INPP5F: variants seen among roughly 807,000 people sequenced by gnomAD.
The protein encoded by INPP5F is inositol polyphosphate-5-phosphatase F.
INPP5F carries 97 observed loss-of-function variants against 137.2 expected under a neutral mutation model. The observed-to-expected ratio is 0.71, with a 90% CI of 0.60 to 0.84. The LOEUF (loss-of-function observed/expected upper bound fraction) is 0.84, where lower values mean the gene tolerates loss of function less well. INPP5F is among the 40% of genes least tolerant of loss of function. INPP5F has a pLI of 0.00. For synonymous variants in INPP5F, 504 were observed against 476.9 expected (o/e 1.06, Z -0.74); for missense variants, 1,271 against 1,371.9 (o/e 0.93, Z 1.16).
chr10:119,806,469 A>G lies in INPP5F; in HGVS notation c.1429A>G (p.Met477Val), dbSNP rs774017093. The change falls in exon 12 of 20, where the codon ATG (methionine) becomes GTG (valine). Residue 477 changes from methionine to valine, a missense_variant. Physicochemically the swap from Met to Val is conservative, Grantham distance 21 (BLOSUM62 1). Around this residue, in one of 6 missense-constraint regions of INPP5F, gnomAD observed 593 missense variants for 712.4 expected, o/e 0.83. Coordinates refer to ENST00000650623, the MANE Select transcript of INPP5F (RefSeq NM_014937.4). Reference sequence around the variant, plus strand: ...CCAAGCTGCCATCGCGAGAGTGGTCATGGAACAGCAGGTAATTTGGAGTCT... The same window carrying G: ...CCAAGCTGCCATCGCGAGAGTGGTCGTGGAACAGCAGGTAATTTGGAGTCT... ...VVQAAIARVV[M>V]EQQLKKLGVM... 2.1e-5 allele frequency: 33 copies of G among 1,603,322 alleles called. No individual in the cohort carries two copies. Among genetic ancestry groups the G allele is most frequent in the Non-Finnish European group, 2.5e-5 (29 of 1,176,310 alleles).
At chr10:119,817,022 A>T (rs1262482246) in intron 15 of INPP5F, among the ~76,000 whole-genome samples, 5 of 152,146 alleles carry the variant, frequency 3.3e-5, no homozygotes, top group African/African-American at 1.2e-4. Flanking sequence ...ACCATCCCTA[A>T]GCAACCACTA....
At chr10:119,754,173 A>C (rs574250562) in intron 2 of INPP5F, among the ~76,000 whole-genome samples, 1 of 152,356 alleles carries the variant, frequency 6.6e-6, no homozygotes, top group South Asian at 2.1e-4. Flanking sequence ...ATCTTGGGCC[A>C]GGGGACTCCT....
At chr10:119,752,289 A>T (rs889373664) in intron 2 of INPP5F, among the ~76,000 whole-genome samples, 45 of 152,226 alleles carry the variant, frequency 3.0e-4, no homozygotes, top group Admixed American at 6.5e-4. Flanking sequence ...ACCTAGGTTA[A>T]GAAATGAAAT....
In INPP5F at chr10:119,746,273, G is replaced by A. The variant is rs543165117; in HGVS notation, c.98-4803G>A. ...TTGCTGCTGTCCTTATGCCTGATGC[G>A]CCACTTCTTCTACATGACTCTCCGT... On this transcript the variant is annotated intron_variant, in intron 1 of 19. Transcript: ENST00000650623. Among the ~76,000 whole-genome samples the A allele has an allele frequency of 5.3e-5, 8 of 152,218 alleles. No individual in the cohort carries two copies. In the South Asian group the frequency reaches 1.5e-3, roughly 28 times the overall value.
At chr10:119,762,810 A>G (rs530298412) in intron 2 of INPP5F, among the ~76,000 whole-genome samples, 7 of 152,250 alleles carry the variant, frequency 4.6e-5, no homozygotes, top group Non-Finnish European at 7.4e-5. Flanking sequence ...GGGCACATAA[A>G]CATTTAGCTT....
At chr10:119,770,361 G>A (rs970047248) in intron 2 of INPP5F, among the ~76,000 whole-genome samples, 1 of 152,118 alleles carries the variant, frequency 6.6e-6, no homozygotes, top group African/African-American at 2.4e-5. Context: ...TTCCTGGTGG[G>A]TAACAAATAA....
Position 119,811,869 on chromosome 10 carries a change from C to A in INPP5F, c.1800C>A (p.Ser600Arg). The change falls in exon 15 of 20, where the codon AGC becomes AGA. Residue 600 changes from serine to arginine, a missense_variant. Ser to Arg is a moderately radical substitution (Grantham distance 110). Transcript: ENST00000650623. The part of the protein sequence containing the change: ...ENQRSHQELI[S>R]QLLQSYMKLL... Reference sequence around the variant, plus strand: ...AGAGAAGCCACCAGGAACTAATTAGCCAGCTCTTACAAAGTTACATGAAGT... The same window carrying A: ...AGAGAAGCCACCAGGAACTAATTAGACAGCTCTTACAAAGTTACATGAAGT... 6.2e-7 allele frequency: 1 copy of A among 1,614,062 alleles called. No homozygotes were observed.
chr10:119,749,064 C>G (rs150028837), intron 1 of INPP5F, among the ~76,000 whole-genome samples: 2 of 152,226 alleles, frequency 1.3e-5, no homozygotes, highest in Non-Finnish European at 2.9e-5. Context: ...TGTGCACACC[C>G]GACTCGGTCG....
At position 119,751,234 on chromosome 10, in the gene INPP5F, A is replaced by C. The variant is rs1848682354; in HGVS notation, c.178+78A>C. The stretch of plus-strand genomic sequence containing the variant: ...GTGTTTTCCTCTTTGAGGATACATG[A>C]GATTCTCTTATAGCTTTGATTCCTT... On this transcript the variant is annotated intron_variant, in intron 2 of 19. Transcript: ENST00000650623. The C allele has an allele frequency of 4.6e-6, 4 of 878,276 alleles. No homozygotes were observed. The Admixed American group carries it at 5.3e-5, about 12-fold the overall frequency. The allele number at this position is 878,276 out of a possible 1,614,324, so 54.4% of individuals were successfully genotyped here. A position where few individuals can be genotyped will look rare whatever the true frequency, so the allele number is the denominator to read the frequency against.
At chr10:119,776,453 G>C (rs549111694) in intron 2 of INPP5F, among the ~76,000 whole-genome samples, 1 of 152,104 alleles carries the variant, frequency 6.6e-6, no homozygotes, top group Non-Finnish European at 1.5e-5. Context: ...AGGTGAGTTT[G>C]TATATGAGAT....
intron 19 of INPP5F, among the ~76,000 whole-genome samples, chr10:119,826,398 C>G (rs985038603): frequency 6.6e-6 from 1 of 152,192 alleles, no homozygotes; most frequent in African/African-American, 2.4e-5. Flanking sequence ...GCTAATTTCA[C>G]TGCTGCTTTC....
intron 15 of INPP5F, among the ~76,000 whole-genome samples, chr10:119,816,886 A>G (rs1851301114): frequency 6.6e-6 from 1 of 152,232 alleles, no homozygotes; most frequent in Non-Finnish European, 1.5e-5. Context: ...TTTAAAATAT[A>G]TAATTCAGTG....
chr10:119,793,233 A>G (rs1003198708), intron 6 of INPP5F, among the ~76,000 whole-genome samples: 2 of 152,238 alleles, frequency 1.3e-5, no homozygotes, highest in Non-Finnish European at 2.9e-5. Flanking sequence ...TTCAAAGGTG[A>G]CATTTGGCAG....
Position 119,806,453 on chromosome 10 carries a change from C to G in INPP5F, c.1413C>G (p.Ala471=), listed in dbSNP as rs1413541772. The G allele has an allele frequency of 2.5e-6, 4 of 1,607,788 alleles. No homozygotes were observed. The African/African-American group carries it at 5.4e-5, about 22-fold the overall frequency. ...CLDRTNVVQA[A]IARVVMEQQL... is the part of the protein sequence containing the mutation. ...ATCGCACCAACGTGGTCCAAGCTGC[C>G]ATCGCGAGAGTGGTCATGGAACAGC... Residue 471 remains alanine, a synonymous_variant, in exon 12 of 20, where the codon GCC becomes GCG. Coordinates refer to ENST00000650623, the MANE Select transcript of INPP5F (RefSeq NM_014937.4).
intron 19 of INPP5F, 75 bp downstream of exon 19, chr10:119,823,977 G>T: frequency 1.9e-6 from 2 of 1,056,752 alleles, no homozygotes; most frequent in South Asian, 1.4e-5. Context: ...ATTTGCAGGG[G>T]GAAAGGGGAG....
chr10:119,826,649 C>T lies in INPP5F; in HGVS notation c.2268C>T (p.His756=), dbSNP rs201921573. 43 of 1,587,106 alleles carry T rather than the reference C, an allele frequency of 2.7e-5. No homozygotes were observed. Among genetic ancestry groups the T allele is most frequent in the East Asian group, 2.5e-4 (11 of 44,722 alleles). Residue 756 remains histidine, a synonymous_variant, in exon 20 of 20, where the codon CAC becomes CAT. Coordinates refer to ENST00000650623, the MANE Select transcript of INPP5F (RefSeq NM_014937.4). The part of the protein sequence containing the change: ...KKLERKSSKP[H]EDIIGIRSQN... The stretch of plus-strand genomic sequence containing the variant: ...TTTGTAGGAAGAGCAGTAAACCTCA[C>T]GAAGACATCATTGGTATCAGGTCTC...
chr10:119,807,134 G>C (rs781507553), intron 12 of INPP5F, among the ~76,000 whole-genome samples: 3 of 152,126 alleles, frequency 2.0e-5, no homozygotes, highest in Non-Finnish European at 4.4e-5. Flanking sequence ...CTAGCTGGGC[G>C]TGGTGGCCGT....
At chr10:119,794,339 A>G (rs1394759563) in intron 6 of INPP5F, among the ~76,000 whole-genome samples, 6 of 152,216 alleles carry the variant, frequency 3.9e-5, no homozygotes, top group Non-Finnish European at 8.8e-5. Flanking sequence ...TTGGGGGGTA[A>G]GGTCACAGAT....
chr10:119,753,913 G>T (rs1160639150), intron 2 of INPP5F, among the ~76,000 whole-genome samples: 1 of 152,152 alleles, frequency 6.6e-6, no homozygotes, highest in East Asian at 1.9e-4. Flanking sequence ...ACAGGACCCA[G>T]GATTACTTTA....
Sources: gnomAD v4.1 joint callset for allele counts (sites outside exome capture counted in the v4.1 genomes callset) on GRCh38, gnomAD v4.1.1 for gene constraint, gnomAD v4.1.1 regional missense constraint, MANE v1.5 for transcripts, NCBI Gene and HGNC (gene_info 2026-07-23, HGNC 2026-07-21) for gene names.